DPP6: variants seen among roughly 807,000 people sequenced by gnomAD.
DPP6 encodes A-type potassium channel modulatory protein DPP6.
Under a neutral mutation model 122.6 loss-of-function variants are expected in DPP6, and 69 were observed. The ratio of observed to expected loss-of-function variants is 0.56; its 90% confidence interval spans 0.46 to 0.69. The LOEUF (loss-of-function observed/expected upper bound fraction) is 0.69. Among genes scored for constraint, DPP6 ranks in the 30% least tolerant of loss-of-function variants. The probability of loss-of-function intolerance (pLI) is 0.00; values close to 1 mark genes in which losing one functional copy is unlikely to be tolerated. For missense variants in DPP6, 928 were observed against 1,116.9 expected (o/e 0.83, Z 2.41); for synonymous variants, 418 against 433.1 (o/e 0.97, Z 0.43).
chr7:153,997,593 G>GCGCACACACACACACA (rs1554430189), intron 1 of DPP6, among the ~76,000 whole-genome samples: 2 of 145,982 alleles, frequency 1.4e-5, no homozygotes, highest in Non-Finnish European at 3.0e-5. Context: ...TGAGTGCACA[G>GCGCACACACACACACA]CACACACACA....
At chr7:154,416,592 A>G (rs1817038880) in intron 1 of DPP6, among the ~76,000 whole-genome samples, 1 of 152,160 alleles carries the variant, frequency 6.6e-6, no homozygotes, top group Non-Finnish European at 1.5e-5. Context: ...ATGTATGTAT[A>G]GGAAAAACAG....
chr7:154,120,182 C>T (rs71532641), intron 1 of DPP6, among the ~76,000 whole-genome samples: 4 of 151,798 alleles, frequency 2.6e-5, no homozygotes, highest in South Asian at 2.1e-4. Context: ...ATTTTTATCA[C>T]TCACTATACT....
At chr7:153,966,769 TAAG>T (rs1022605221) in intron 1 of DPP6, among the ~76,000 whole-genome samples, 16 of 151,726 alleles carry the variant, frequency 1.1e-4, no homozygotes, top group African/African-American at 3.9e-4. Flanking sequence ...TACCTTAAAA[TAAG>T]AAATCTCTTG....
intron 1 of DPP6, among the ~76,000 whole-genome samples, chr7:153,995,660 G>A (rs71265456): frequency 6.7e-6 from 1 of 150,200 alleles, no homozygotes; most frequent in Non-Finnish European, 1.5e-5. Context: ...TGATGTGCTC[G>A]ATAACACCCT....
At chr7:153,808,210 T>C in the DPP6 span, among the ~76,000 whole-genome samples, 3 of 144,924 alleles carry the variant, frequency 2.1e-5, 1 homozygote, top group African/African-American at 7.9e-5. Context: ...CCTGAGTGTG[T>C]GTGCCTGAGT....
At chr7:154,883,359 T>C (rs1247412454) in intron 21 of DPP6, among the ~76,000 whole-genome samples, 4 of 121,920 alleles carry the variant, frequency 3.3e-5, no homozygotes, top group Non-Finnish European at 5.0e-5. Flanking sequence ...TACACACACA[T>C]GCTCACACAC....
intron 1 of DPP6, among the ~76,000 whole-genome samples, chr7:153,916,351 T>A (rs1357745507): frequency 8.9e-4 from 126 of 141,276 alleles, no homozygotes; most frequent in African/African-American, 3.1e-3. Context: ...TATCTCCCCT[T>A]CCCTCCTGTC....
At position 154,663,229 on chromosome 7, in the gene DPP6, A is replaced by G. The variant is rs60229882; in HGVS notation, c.681-6131A>G. ...ATGGTGTATTGGCGCTTGTGTTCAT[A>G]TAGTCATGGTGAATCACCATGGCGT... On this transcript the variant is annotated intron_variant, in intron 6 of 25. Coordinates refer to ENST00000377770, the MANE Select transcript of DPP6 (RefSeq NM_130797.4). Among the ~76,000 whole-genome samples the G allele has an allele frequency of 0.034, 2,248 of 65,824 alleles. 674 individuals are homozygous for G. In the East Asian group the frequency reaches 0.55, roughly 16 times the overall value. 43.2% of individuals were successfully genotyped at this position (65,824 alleles called of 152,430 possible). A position where few individuals can be genotyped will look rare whatever the true frequency, so the allele number is the denominator to read the frequency against.
chr7:154,303,061 A>T (rs184621793), intron 1 of DPP6, among the ~76,000 whole-genome samples: 2 of 152,258 alleles, frequency 1.3e-5, no homozygotes, highest in East Asian at 3.9e-4. Flanking sequence ...AGCTCACTGC[A>T]ACTTCCGCCC....
intron 8 of DPP6, among the ~76,000 whole-genome samples, chr7:154,758,522 C>G (rs1189459721): frequency 6.6e-6 from 1 of 152,028 alleles, no homozygotes; most frequent in Non-Finnish European, 1.5e-5. Context: ...CAGGCATGCA[C>G]CGCCACGTCC....
intron 3 of DPP6, among the ~76,000 whole-genome samples, chr7:154,502,494 G>A (rs980646893): frequency 6.6e-6 from 1 of 152,124 alleles, no homozygotes; most frequent in Non-Finnish European, 1.5e-5. Flanking sequence ...TAGCAAATAA[G>A]TCTCATGGGA....
chr7:154,660,467 A>G (rs79737251), intron 6 of DPP6, among the ~76,000 whole-genome samples: 200 of 76,502 alleles, frequency 2.6e-3, no homozygotes, highest in Middle Eastern at 0.011. Flanking sequence ...TGCAGTCATG[A>G]TGAATCACCA....
intron 1 of DPP6, among the ~76,000 whole-genome samples, chr7:154,245,996 A>T (rs577471709): frequency 6.6e-6 from 1 of 152,344 alleles, no homozygotes; most frequent in African/African-American, 2.4e-5. Flanking sequence ...GTGCAAGTAG[A>T]ACTCACATTA....
At chr7:154,696,077 C>CA (rs1840199085) in intron 7 of DPP6, among the ~76,000 whole-genome samples, 1 of 152,196 alleles carries the variant, frequency 6.6e-6, no homozygotes, top group Non-Finnish European at 1.5e-5. Flanking sequence ...TCCAGGGACT[C>CA]CATGCCGGGC....
In DPP6 at chr7:154,374,258, T is replaced by C. The variant is rs538935093; in HGVS notation, c.244-71956T>C. On this transcript the variant is annotated intron_variant, in intron 1 of 25. Coordinates refer to ENST00000377770, the MANE Select transcript of DPP6 (RefSeq NM_130797.4). ...ACGAGATTAGGACAGGAATAGTAAA[T>C]ACCTCATAGTGTTTTGTGGATCAAA... 7.3e-4 allele frequency among the ~76,000 whole-genome samples: 111 copies of C among 152,326 alleles called. 2 individuals carry two copies. In the South Asian group the frequency reaches 0.022, roughly 31 times the overall value.
intron 1 of DPP6, among the ~76,000 whole-genome samples, chr7:154,375,094 G>C (rs867601443): frequency 5.1e-4 from 78 of 152,284 alleles, no homozygotes; most frequent in African/African-American, 1.7e-3. Context: ...TCTGACAAAA[G>C]AGGAGCGTGA....
the DPP6 span, among the ~76,000 whole-genome samples, chr7:153,869,409 G>T: frequency 1.3e-5 from 2 of 152,114 alleles, no homozygotes; most frequent in Admixed American, 1.3e-4. Flanking sequence ...TTATGTAATG[G>T]CCTTGTTTGT....
At chr7:154,323,722 G>A (rs1808178348) in intron 1 of DPP6, among the ~76,000 whole-genome samples, 1 of 152,114 alleles carries the variant, frequency 6.6e-6, no homozygotes, top group South Asian at 2.1e-4. Context: ...CTCTTCCTCT[G>A]TCACCCTCAG....
At chr7:153,792,571 G>C in the DPP6 span, among the ~76,000 whole-genome samples, 1 of 151,904 alleles carries the variant, frequency 6.6e-6, no homozygotes, top group Non-Finnish European at 1.5e-5. Flanking sequence ...TTCTTATTGA[G>C]TGAATTTTGT....
Sources: allele counts gnomAD v4.1 joint callset (sites outside exome capture counted in the v4.1 genomes callset), GRCh38; gene constraint gnomAD v4.1.1; transcripts MANE v1.5; gene names NCBI Gene and HGNC (gene_info 2026-07-23, HGNC 2026-07-21).